The following DNAH14 variants were observed in gnomAD, a reference collection of about 807,000 sequenced individuals.
The protein encoded by DNAH14 is axonemal beta dynein heavy chain 14.
DNAH14 carries 478 observed loss-of-function variants against 520.9 expected under a neutral mutation model. The ratio of observed to expected loss-of-function variants is 0.92; its 90% CI spans 0.85 to 0.99. DNAH14 has a LOEUF of 0.99. DNAH14 is among the 50% of genes least tolerant of loss of function. DNAH14 has a pLI of 0.00. For synonymous variants in DNAH14, 1,581 were observed against 1,757.2 expected (o/e 0.90, Z 2.51); for missense variants, 4,831 against 5,234.5 (o/e 0.92, Z 2.38).
intron 1 of DNAH14, among the ~76,000 whole-genome samples, chr1:224,937,620 C>T (rs74684917): frequency 6.4e-4 from 98 of 152,098 alleles, no homozygotes; most frequent in Non-Finnish European, 1.8e-4. Flanking sequence ...AATGACAATA[C>T]TACCCAAAGC....
chr1:225,044,737 G>T (rs909187352), intron 15 of DNAH14, among the ~76,000 whole-genome samples: 1 of 152,116 alleles, frequency 6.6e-6, no homozygotes, highest in African/African-American at 2.4e-5. Context: ...ACATGGGTTT[G>T]TTTTAAAACC....
chr1:225,275,102 T>A, intron 52 of DNAH14, among the ~76,000 whole-genome samples: 1 of 152,228 alleles, frequency 6.6e-6, no homozygotes, highest in Non-Finnish European at 1.5e-5. Flanking sequence ...GGTGGAGTCA[T>A]TATTCAAACC....
Position 225,079,494 on chromosome 1 carries a change from C to A in DNAH14, c.2712C>A (p.Asn904Lys). The A allele has an allele frequency of 6.5e-7, 1 of 1,541,020 alleles. No individual in the cohort carries two copies. Among genetic ancestry groups the A allele is most frequent in the Non-Finnish European group, 8.7e-7 (1 of 1,144,764 alleles). The change falls in exon 18 of 86, where the codon AAC (asparagine) becomes AAA (lysine). Residue 904 changes from asparagine to lysine, a missense_variant. By Grantham distance (94) the Asn-to-Lys change is moderately conservative (BLOSUM62 0). Coordinates refer to ENST00000682510, the MANE Select transcript of DNAH14 (RefSeq NM_001367479.1). ...KDTAITKFRD[N>K]LEACISGLHV... ...CTGCTATAACTAAATTCAGAGATAACTTGGAAGCATGTATCAGTGGTCTAC... is the reference window on the plus strand; with the variant it reads ...CTGCTATAACTAAATTCAGAGATAAATTGGAAGCATGTATCAGTGGTCTAC...
intron 36 of DNAH14, among the ~76,000 whole-genome samples, chr1:225,176,433 G>T (rs1317735005): frequency 6.6e-6 from 1 of 152,046 alleles, no homozygotes; most frequent in African/African-American, 2.4e-5. Context: ...TATATCTGTT[G>T]GGGGAAATAT....
Position 225,080,727 on chromosome 1 carries a change from A to G in DNAH14, c.3115A>G (p.Ile1039Val), listed in dbSNP as rs999600474. ...GAGAAATGTTTCAAAACTGATGCACATAATCTCGGTACTAGAAAAAGGTAA... is the reference window on the plus strand; with the variant it reads ...GAGAAATGTTTCAAAACTGATGCACGTAATCTCGGTACTAGAAAAAGGTAA... Reference protein sequence around the residue: ...VQRNVSKLMHIISVLEKGLPK... With the variant: ...VQRNVSKLMHVISVLEKGLPK... Residue 1039 changes from isoleucine (I) to valine (V), a missense_variant, in exon 19 of 86, where the codon ATA becomes GTA. Coordinates refer to ENST00000682510, the MANE Select transcript of DNAH14 (RefSeq NM_001367479.1). 5 of 1,527,080 alleles carry G rather than the reference A, an allele frequency of 3.3e-6. No individual in the cohort carries two copies. The highest frequency in any genetic ancestry group is 3.5e-6 in the Non-Finnish European group (4 of 1,135,714). The allele number at this position is 1,527,080 out of a possible 1,614,324, so 94.6% of individuals were successfully genotyped here. A position where few individuals can be genotyped will look rare whatever the true frequency, so the allele number is the denominator to read the frequency against.
intron 63 of DNAH14, 147 bp from the exon 64 acceptor site, chr1:225,324,590 G>C: frequency 7.7e-6 from 7 of 913,082 alleles, no homozygotes; most frequent in Non-Finnish European, 1.1e-5. Context: ...CACCATAATA[G>C]GCAACTTTGT....
At chr1:225,162,106 C>A (rs2081572840) in intron 35 of DNAH14, among the ~76,000 whole-genome samples, 1 of 152,122 alleles carries the variant, frequency 6.6e-6, no homozygotes, top group Non-Finnish European at 1.5e-5. Context: ...GACATTTTCC[C>A]CAATGTTTTC....
intron 17 of DNAH14, among the ~76,000 whole-genome samples, chr1:225,054,129 C>G (rs1369921469): frequency 2.0e-5 from 3 of 152,154 alleles, no homozygotes; most frequent in African/African-American, 4.8e-5. Context: ...TCTGCCTCCT[C>G]TCTCCTTCTG....
intron 27 of DNAH14, among the ~76,000 whole-genome samples, chr1:225,125,292 G>T (rs933723303): frequency 6.6e-6 from 1 of 152,176 alleles, no homozygotes; most frequent in Non-Finnish European, 1.5e-5. Context: ...TTGAAGCCAG[G>T]TATTGACTTC....
chr1:225,050,970 C>T (rs141855544), intron 16 of DNAH14, among the ~76,000 whole-genome samples: 54 of 152,296 alleles, frequency 3.5e-4, no homozygotes, highest in African/African-American at 1.3e-3. Flanking sequence ...GGTTCAAGCT[C>T]CTATGAGAAT....
At chr1:225,127,689 G>A (rs2077894340) in intron 27 of DNAH14, among the ~76,000 whole-genome samples, 1 of 152,058 alleles carries the variant, frequency 6.6e-6, no homozygotes, top group African/African-American at 2.4e-5. Context: ...CTTTTAATGG[G>A]AGCGTTTAGT....
Position 225,222,000 on chromosome 1 carries a change from C to T in DNAH14, c.6440-9073C>T, listed in dbSNP as rs1012205377. On this transcript the variant is annotated intron_variant, in intron 41 of 85. Coordinates refer to ENST00000682510, the MANE Select transcript of DNAH14 (RefSeq NM_001367479.1). Reference sequence around the variant, plus strand: ...ATTATTGCCAGCTTATCGGGGCTCACTCTCTCGGCTACTGGACTCTTTTTG... The same window carrying T: ...ATTATTGCCAGCTTATCGGGGCTCATTCTCTCGGCTACTGGACTCTTTTTG... 4.6e-5 allele frequency among the ~76,000 whole-genome samples: 7 copies of T among 152,286 alleles called. No individual in the cohort carries two copies. In the South Asian group the frequency reaches 1.2e-3, roughly 27 times the overall value.
intron 64 of DNAH14, among the ~76,000 whole-genome samples, chr1:225,327,598 T>A (rs143317694): frequency 1.4e-3 from 212 of 152,268 alleles, no homozygotes; most frequent in African/African-American, 4.8e-3. Context: ...AATTTATAGT[T>A]GTAAATGCCT....
Position 224,947,392 on chromosome 1 carries a change from C to G in DNAH14, c.-33-5278C>G, listed in dbSNP as rs140549724. 8.7e-3 allele frequency among the ~76,000 whole-genome samples: 1,320 copies of G among 151,886 alleles called. 7 individuals are homozygous for G. The highest frequency in any genetic ancestry group is 0.014 in the Middle Eastern group (4 of 294). The stretch of plus-strand genomic sequence containing the variant: ...TGGCTATTCCTGACCTTTTATTCTT[C>G]TATATAAATTTTTAATCACCTTGAC... On this transcript the variant is annotated intron_variant, in intron 1 of 85. Transcript: ENST00000682510.
chr1:225,286,004 T>C (rs1479384264), intron 54 of DNAH14, among the ~76,000 whole-genome samples: 4 of 152,214 alleles, frequency 2.6e-5, no homozygotes, highest in Non-Finnish European at 4.4e-5. Flanking sequence ...AGTGGCAACA[T>C]GGAAGAGCCT....
chr1:225,222,327 A>T (rs1466336116), intron 41 of DNAH14, among the ~76,000 whole-genome samples: 1 of 152,182 alleles, frequency 6.6e-6, no homozygotes, highest in East Asian at 1.9e-4. Context: ...ATGTACTGAA[A>T]CAGCTGTGTC....
intron 5 of DNAH14, among the ~76,000 whole-genome samples, chr1:224,966,500 TAAATTTTCCTTA>T (rs938201259): frequency 1.3e-5 from 2 of 152,102 alleles, no homozygotes; most frequent in Non-Finnish European, 2.9e-5. Flanking sequence ...CTAAAAGAAA[TAAATTTTCCTTA>T]AAATTTTCCT....
At position 225,080,538 on chromosome 1, in the gene DNAH14, G is replaced by T. The variant is rs1486818072; in HGVS notation, c.2926G>T (p.Val976Phe). Reference protein sequence around the residue: ...FSDSQSHMHSVNVEEITQIVL... With the variant: ...FSDSQSHMHSFNVEEITQIVL... ...TGATTCTCAATCTCATATGCATTCT[G>T]TTAATGTGGAAGAAATTACACAGAT... The change falls in exon 19 of 86, where the codon GTT becomes TTT. Residue 976 changes from valine to phenylalanine, a missense_variant. Val to Phe is a conservative substitution (Grantham distance 50). Transcript: ENST00000682510. The T allele has an allele frequency of 1.9e-6, 3 of 1,551,778 alleles. No homozygotes were observed. The Admixed American group carries it at 5.9e-5, about 30-fold the overall frequency.
At chr1:225,176,647 A>T (rs2083375320) in intron 36 of DNAH14, among the ~76,000 whole-genome samples, 2 of 151,706 alleles carry the variant, frequency 1.3e-5, no homozygotes, top group South Asian at 4.2e-4. Flanking sequence ...GGTCTTTCCC[A>T]TGCTGTTCTC....
Sources: allele counts gnomAD v4.1 joint callset (sites outside exome capture counted in the v4.1 genomes callset), GRCh38; gene constraint gnomAD v4.1.1; transcripts MANE v1.5; gene names NCBI Gene and HGNC (gene_info 2026-07-23, HGNC 2026-07-21).